Variants in MCMBP observed in about 807,000 individuals in gnomAD.
MCMBP encodes minichromosome maintenance complex binding protein.
MCMBP carries 31 observed loss-of-function variants against 81.3 expected under a neutral mutation model. The ratio of observed to expected loss-of-function variants is 0.38; its 90% CI spans 0.29 to 0.51. The LOEUF (loss-of-function observed/expected upper bound fraction) is 0.51, where lower values mean the gene tolerates loss of function less well. MCMBP is among the 20% of genes least tolerant of loss of function. The probability of loss-of-function intolerance (pLI) is 0.87; values close to 1 mark genes in which losing one functional copy is unlikely to be tolerated. For missense variants in MCMBP, 645 were observed against 772.1 expected, an observed-to-expected ratio of 0.84 and a Z score of 1.95; for synonymous variants, 267 against 275.9, an observed-to-expected ratio of 0.97 and a Z score of 0.32.
At chr10:119,862,833 TG>T (rs916534539) in intron 1 of MCMBP, among the ~76,000 whole-genome samples, 1 of 152,254 alleles carries the variant, frequency 6.6e-6, no homozygotes, top group Non-Finnish European at 1.5e-5. Context: ...ACTATCACTA[TG>T]TATTTTTAAA....
At chr10:119,846,787 C>T (rs548880795) in intron 8 of MCMBP, among the ~76,000 whole-genome samples, 8 of 152,212 alleles carry the variant, frequency 5.3e-5, no homozygotes, top group African/African-American at 1.4e-4. Flanking sequence ...CTCTCTACCA[C>T]GTGAGAAGAC....
At position 119,859,122 on chromosome 10, in the gene MCMBP, A is replaced by G. The variant is rs780158459; in HGVS notation, c.204T>C (p.Phe68=). 2 of 1,614,018 alleles carry G rather than the reference A, an allele frequency of 1.2e-6. No individual in the cohort carries two copies. Among genetic ancestry groups the G allele is most frequent in the Admixed American group, 1.7e-5 (1 of 60,022 alleles). ...HYLKPNSFVK[F]RCMIQDMFDP... ...CAAACATATCCTGAATCATGCAACGAAATTTCACAAAACTATTAGGTTTCA... is the reference window on the plus strand; with the variant it reads ...CAAACATATCCTGAATCATGCAACGGAATTTCACAAAACTATTAGGTTTCA... Residue 68 remains phenylalanine, a synonymous_variant, in exon 3 of 16, where the codon TTT becomes TTC. Coordinates refer to ENST00000369077, the MANE Select transcript of MCMBP (RefSeq NM_001256378.2).
intron 14 of MCMBP, among the ~76,000 whole-genome samples, chr10:119,832,985 TC>T (rs1852100586): frequency 6.6e-6 from 1 of 152,190 alleles, no homozygotes; most frequent in Non-Finnish European, 1.5e-5. Flanking sequence ...AGCTCCCACC[TC>T]TGCATGACCT....
upstream of MCMBP, among the ~76,000 whole-genome samples, chr10:119,873,024 A>C (rs1049299112): frequency 1.3e-5 from 2 of 151,768 alleles, no homozygotes; most frequent in East Asian, 4.0e-4. Context: ...GAGGCTGCGC[A>C]GCGCGGGGCC....
At chr10:119,849,315 A>G in intron 7 of MCMBP, 110 bp downstream of exon 7, 1 of 1,153,834 alleles carries the variant, frequency 8.7e-7, no homozygotes, top group Non-Finnish European at 1.2e-6. Flanking sequence ...ATTTGCAGTG[A>G]TTTGCTATAG....
intron 4 of MCMBP, chr10:119,857,862 G>C (rs1194994444): frequency 3.3e-5 from 5 of 152,946 alleles, no homozygotes; most frequent in African/African-American, 4.8e-5. Flanking sequence ...AAATATTCTA[G>C]TTCAGTAGGC....
chr10:119,845,090 TCTAAA>T (rs1375425974), intron 8 of MCMBP, among the ~76,000 whole-genome samples: 4 of 152,152 alleles, frequency 2.6e-5, no homozygotes. Flanking sequence ...TAATACAACC[TCTAAA>T]CTAAACTACA....
chr10:119,843,363 G>C lies in MCMBP; in HGVS notation c.891C>G (p.His297Gln). ...CTDTAEEQRV[H>Q]SPPASLVPRI... ...TCGGCACTAATGAAGCAGGAGGACT[G>C]TGTACTCTCTGCTCCTCTGCTGTGT... The change falls in exon 9 of 16, where the codon CAC becomes CAG. Residue 297 changes from histidine (H) to glutamine (Q), a missense_variant. Coordinates refer to ENST00000369077, the MANE Select transcript of MCMBP (RefSeq NM_001256378.2). 1 of 1,614,044 alleles carries C rather than the reference G, an allele frequency of 6.2e-7. No individual in the cohort carries two copies. The highest frequency in any genetic ancestry group is 8.5e-7 in the Non-Finnish European group (1 of 1,179,926).
At chr10:119,835,797 G>T in intron 13 of MCMBP, 93 bp from the exon 14 acceptor site, 1 of 1,318,132 alleles carries the variant, frequency 7.6e-7, no homozygotes, top group Non-Finnish European at 1.1e-6. Flanking sequence ...GCCCCTATGG[G>T]AATTAGAAAA....
intron 4 of MCMBP, 47 bp from the exon 5 acceptor site, chr10:119,857,486 C>T (rs1564883431): frequency 3.0e-6 from 4 of 1,318,268 alleles, no homozygotes; most frequent in Admixed American, 2.1e-5. Context: ...TTTAAAAAAC[C>T]CAAAATTTAT....
intron 14 of MCMBP, 26 bp downstream of exon 14, chr10:119,835,514 A>G: frequency 6.3e-7 from 1 of 1,591,838 alleles, no homozygotes; most frequent in Non-Finnish European, 8.6e-7. Context: ...AACACAGGGA[A>G]ATCCTTTATT....
intron 1 of MCMBP, among the ~76,000 whole-genome samples, chr10:119,871,796 A>G (rs766239375): frequency 1.3e-5 from 2 of 152,230 alleles, no homozygotes; most frequent in Non-Finnish European, 2.9e-5. Flanking sequence ...CCAGTTAACG[A>G]CAACAAATAT....
At position 119,829,661 on chromosome 10, in the gene MCMBP, G is replaced by GGTCC. The variant is rs2134322674; in HGVS notation, c.*1809_*1812dup. 1 of 152,398 alleles carries GGTCC rather than the reference G, an allele frequency of 6.6e-6. No homozygotes were observed. Among genetic ancestry groups the GGTCC allele is most frequent in the African/African-American group, 2.4e-5 (1 of 41,564 alleles). 9.4% of individuals were successfully genotyped at this position (152,398 alleles called of 1,614,324 possible). A position where few individuals can be genotyped will look rare whatever the true frequency, so the allele number is the denominator to read the frequency against. On this transcript the variant is annotated 3_prime_UTR_variant, in exon 16 of 16. Coordinates refer to ENST00000369077, the MANE Select transcript of MCMBP (RefSeq NM_001256378.2). ...TGCCTGGGCGGGCCTTGAGCAGGAA[G>GGTCC]GTCCCTCTTGCACCACCTCCTCCAC...
At chr10:119,857,467 A>G (rs768068521) in intron 4 of MCMBP, 28 bp from the exon 5 acceptor site, 1 of 1,505,554 alleles carries the variant, frequency 6.6e-7, no homozygotes, top group South Asian at 1.3e-5. Context: ...AGTGTTTTTA[A>G]AAATTTACTT....
intron 5 of MCMBP, 111 bp from the exon 6 acceptor site, chr10:119,853,305 A>C: frequency 8.9e-7 from 1 of 1,127,552 alleles, no homozygotes; most frequent in East Asian, 2.5e-5. Context: ...TTAAAATAGA[A>C]TGCATTTTCA....
chr10:119,848,649 C>A (rs1402946375), intron 7 of MCMBP, among the ~76,000 whole-genome samples: 5 of 151,898 alleles, frequency 3.3e-5, no homozygotes, highest in South Asian at 2.1e-4. Context: ...AACAAAAAAA[C>A]CCAAAATGCA....
chr10:119,835,570 C>T lies in MCMBP; in HGVS notation c.1677G>A (p.Leu559=). The stretch of plus-strand genomic sequence containing the variant: ...TTATTTCATCAGATATGCTATATTC[C>T]AAGAATCTCAAAAGAGTTAGATAAA... ...FRIYLTLLRF[L]EYSISDEITK... Residue 559 remains leucine (L), a synonymous_variant, in exon 14 of 16, where the codon TTG becomes TTA. Coordinates refer to ENST00000369077, the MANE Select transcript of MCMBP (RefSeq NM_001256378.2). The T allele has an allele frequency of 6.2e-7, 1 of 1,613,934 alleles. No homozygotes were observed. Among genetic ancestry groups the T allele is most frequent in the South Asian group, 1.1e-5 (1 of 91,036 alleles).
rs747760830 is a variant in MCMBP, at chr10:119,853,193, G to C, written c.431C>G (p.Ala144Gly). The C allele has an allele frequency of 6.2e-7, 1 of 1,611,876 alleles. No homozygotes were observed. Among genetic ancestry groups the C allele is most frequent in the East Asian group, 2.2e-5 (1 of 44,830 alleles). The change falls in exon 6 of 16, where the codon GCC (alanine) becomes GGC (glycine). Residue 144 changes from alanine (A) to glycine (G), a missense_variant and splice_region_variant. By Grantham distance (60) the Ala-to-Gly change is moderately conservative. Transcript: ENST00000369077. ...TCGAGCTTGGTTTGCATTAACATAG[G>C]CGTTAAACGAAAAGTTAAGAAAAGA... ...VPGESTWVKE[A>G]YVNANQARVS...
Position 119,831,587 on chromosome 10 carries a change from TGA to T in MCMBP, c.1808_1809del (p.Leu603GlnfsTer36). On this transcript the variant is annotated frameshift_variant, in exon 16 of 16. Coordinates refer to ENST00000369077, the MANE Select transcript of MCMBP (RefSeq NM_001256378.2). LOFTEE classifies it high-confidence loss of function. ...QLLVVARCLSLSAGQTTLSRE... is the reference protein window; with the variant it reads ...QLLVVARCLSXSAGQTTLSRE... ...CTTGACAGCGTTGTCTGACCAGCAC[TGA>T]GAGACAGACACCTGGTTTGAAACAC... 1.2e-6 allele frequency: 2 copies of T among 1,613,728 alleles called. No homozygotes were observed. The highest frequency in any genetic ancestry group is 1.7e-6 in the Non-Finnish European group (2 of 1,179,872).
Sources: gnomAD v4.1 joint callset for allele counts (sites outside exome capture counted in the v4.1 genomes callset) on GRCh38, gnomAD v4.1.1 for gene constraint, MANE v1.5 for transcripts, NCBI Gene and HGNC (gene_info 2026-07-23, HGNC 2026-07-21) for gene names.